The following RALYL variants were observed in gnomAD, a reference collection of about 807,000 sequenced individuals.
RALYL encodes RALY RNA binding protein like.
Under a neutral mutation model 35.1 loss-of-function variants are expected in RALYL, and 29 were observed. That is an observed-to-expected ratio of 0.83 (90% CI 0.61 to 1.13). RALYL has a LOEUF of 1.13. RALYL is among the 50% of genes most tolerant of loss of function. The pLI is 0.00. For missense variants in RALYL, 359 were observed against 360.4 expected (o/e 1.00, Z 0.03); for synonymous variants, 120 against 127.6 (o/e 0.94, Z 0.40).
intron 1 of RALYL, among the ~76,000 whole-genome samples, chr8:84,206,806 A>C (rs1818167527): frequency 6.6e-6 from 1 of 152,222 alleles, no homozygotes; most frequent in Non-Finnish European, 1.5e-5. Context: ...GAGGAAGTTG[A>C]AAGTTGTGTA....
At chr8:84,600,521 G>C (rs113095771) in intron 2 of RALYL, among the ~76,000 whole-genome samples, 13 of 152,104 alleles carry the variant, frequency 8.5e-5, no homozygotes, top group African/African-American at 2.9e-4. Context: ...AAAGTTAATA[G>C]GTAAAAGGAG....
At chr8:84,545,194 C>T (rs1257780483) in intron 2 of RALYL, among the ~76,000 whole-genome samples, 1 of 152,060 alleles carries the variant, frequency 6.6e-6, no homozygotes, top group Non-Finnish European at 1.5e-5. Flanking sequence ...TCCATCTTTT[C>T]CTCTATAGTT....
At chr8:84,865,130 A>G (rs1838923548) in intron 6 of RALYL, among the ~76,000 whole-genome samples, 1 of 152,204 alleles carries the variant, frequency 6.6e-6, no homozygotes, top group African/African-American at 2.4e-5. Context: ...TAAATAAAAT[A>G]TATATGTGCA....
chr8:84,657,762 C>T (rs937223938), intron 2 of RALYL, among the ~76,000 whole-genome samples: 99 of 152,254 alleles, frequency 6.5e-4, no homozygotes, highest in African/African-American at 2.1e-3. Context: ...GGACCTAGCT[C>T]TAGATGAGAT....
At chr8:84,312,162 A>C (rs1341911611) in intron 1 of RALYL, among the ~76,000 whole-genome samples, 6 of 152,152 alleles carry the variant, frequency 3.9e-5, no homozygotes, top group Non-Finnish European at 5.9e-5. Flanking sequence ...GACATGTACC[A>C]AACAAGCAGA....
At chr8:84,619,548 A>G (rs1439082776) in intron 2 of RALYL, among the ~76,000 whole-genome samples, 4 of 146,758 alleles carry the variant, frequency 2.7e-5, no homozygotes, top group East Asian at 2.0e-4. Flanking sequence ...TCTTTATCCA[A>G]TTTGCCAGTC....
chr8:84,685,912 G>A (rs1589002439), intron 2 of RALYL, among the ~76,000 whole-genome samples: 1 of 152,156 alleles, frequency 6.6e-6, no homozygotes. Flanking sequence ...AGGACAGTGA[G>A]CTGAAATCAG....
chr8:84,750,404 A>C (rs1413180192), intron 2 of RALYL, among the ~76,000 whole-genome samples: 3 of 152,150 alleles, frequency 2.0e-5, no homozygotes, highest in Non-Finnish European at 4.4e-5. Context: ...TGCTTTCTAT[A>C]AAGCTGTTGT....
chr8:84,709,952 A>C (rs560798363), intron 2 of RALYL, among the ~76,000 whole-genome samples: 2 of 152,046 alleles, frequency 1.3e-5, no homozygotes, highest in East Asian at 3.9e-4. Context: ...TCCCAGCTAC[A>C]TGGGAGGCTG....
At chr8:84,846,189 T>TCC (rs1426792113) in intron 4 of RALYL, among the ~76,000 whole-genome samples, 1 of 152,212 alleles carries the variant, frequency 6.6e-6, no homozygotes, top group African/African-American at 2.4e-5. Context: ...ATGATGTTGG[T>TCC]AGTTTTATAG....
chr8:84,641,445 T>G (rs962540108), intron 2 of RALYL, among the ~76,000 whole-genome samples: 2 of 151,796 alleles, frequency 1.3e-5, no homozygotes, highest in Non-Finnish European at 2.9e-5. Flanking sequence ...CATCATAATA[T>G]TTTCTTAATT....
At chr8:84,371,404 C>T (rs1855659270) in intron 1 of RALYL, among the ~76,000 whole-genome samples, 1 of 152,010 alleles carries the variant, frequency 6.6e-6, no homozygotes, top group Non-Finnish European at 1.5e-5. Context: ...CAAAAAACTA[C>T]TTGGAACTTA....
intron 1 of RALYL, among the ~76,000 whole-genome samples, chr8:84,489,779 G>T (rs1035584941): frequency 3.9e-5 from 6 of 151,932 alleles, no homozygotes; most frequent in African/African-American, 1.4e-4. Context: ...GCAATTAAAA[G>T]AAGTTGGAAA....
At chr8:84,569,826 C>T (rs1389394832) in intron 2 of RALYL, among the ~76,000 whole-genome samples, 1 of 151,834 alleles carries the variant, frequency 6.6e-6, no homozygotes, top group African/African-American at 2.4e-5. Context: ...TTCCCCAACA[C>T]TATTTATCAA....
chr8:84,368,561 G>C (rs1376073272), intron 1 of RALYL, among the ~76,000 whole-genome samples: 6 of 151,846 alleles, frequency 4.0e-5, no homozygotes, highest in Admixed American at 3.9e-4. Context: ...ACAGTTCCAC[G>C]TAGCTGGGGA....
At chr8:84,188,201 A>G (rs1279451239) in intron 1 of RALYL, among the ~76,000 whole-genome samples, 2 of 152,036 alleles carry the variant, frequency 1.3e-5, no homozygotes, top group Non-Finnish European at 2.9e-5. Flanking sequence ...AGATAGTTTT[A>G]TCGGCCATGA....
At chr8:84,378,491 G>A (rs57313222) in intron 1 of RALYL, among the ~76,000 whole-genome samples, 4,492 of 151,910 alleles carry the variant, frequency 0.03, 214 homozygotes, top group African/African-American at 0.1. Context: ...TACATTTAAA[G>A]TTCAATTTCA....
intron 1 of RALYL, among the ~76,000 whole-genome samples, chr8:84,268,010 G>T (rs1325936848): frequency 1.3e-5 from 2 of 152,136 alleles, no homozygotes; most frequent in Non-Finnish European, 2.9e-5. Flanking sequence ...CATTAAACTT[G>T]CTCCACTTGT....
intron 2 of RALYL, among the ~76,000 whole-genome samples, chr8:84,564,141 T>A (rs1564152548): frequency 6.6e-6 from 1 of 151,788 alleles, no homozygotes; most frequent in South Asian, 2.1e-4. Flanking sequence ...TTCAATATCA[T>A]TATACTTAAT....
Sources: gnomAD v4.1 joint callset for allele counts (sites outside exome capture counted in the v4.1 genomes callset) on GRCh38, gnomAD v4.1.1 for gene constraint, MANE v1.5 for transcripts, NCBI Gene and HGNC (gene_info 2026-07-23, HGNC 2026-07-21) for gene names.